CNTN4: variants seen among roughly 807,000 people sequenced by gnomAD.
The protein encoded by CNTN4 is contactin-4.
A neutral mutation model predicts 122.5 loss-of-function variants in CNTN4; 77 were observed. The ratio of observed to expected loss-of-function variants is 0.63; its 90% CI spans 0.52 to 0.76. The LOEUF is 0.76. Among genes scored for constraint, CNTN4 ranks in the 30% least tolerant of loss-of-function variants. The probability of loss-of-function intolerance (pLI) is 0.00; values close to 1 mark genes in which losing one functional copy is unlikely to be tolerated. For synonymous variants in CNTN4, 512 were observed against 447.0 expected, an observed-to-expected ratio of 1.15 and a Z score of -1.83; for missense variants, 1,256 against 1,259.1, an observed-to-expected ratio of 1.00 and a Z score of 0.04.
chr3:2,669,460 C>T (rs1431212405), intron 4 of CNTN4, among the ~76,000 whole-genome samples: 1 of 152,038 alleles, frequency 6.6e-6, no homozygotes, highest in Non-Finnish European at 1.5e-5. Flanking sequence ...TTTTTTATTG[C>T]ATCTATTTGA....
intron 4 of CNTN4, among the ~76,000 whole-genome samples, chr3:2,608,105 G>T (rs1445569393): frequency 6.6e-6 from 1 of 152,128 alleles, no homozygotes; most frequent in Non-Finnish European, 1.5e-5. Context: ...CCAAGGGACT[G>T]AAATAAATTG....
intron 2 of CNTN4, among the ~76,000 whole-genome samples, chr3:2,138,006 A>C (rs1037957035): frequency 2.1e-4 from 32 of 152,130 alleles, no homozygotes; most frequent in African/African-American, 7.2e-4. Context: ...TGGGAAAGTA[A>C]GTAGTCGGCT....
chr3:2,381,691 G>A (rs2046029039), intron 3 of CNTN4, among the ~76,000 whole-genome samples: 1 of 152,098 alleles, frequency 6.6e-6, no homozygotes. Flanking sequence ...TGTAAATGAT[G>A]TATAAAAAGT....
chr3:2,645,782 T>C (rs764802483), intron 4 of CNTN4, among the ~76,000 whole-genome samples: 110 of 152,316 alleles, frequency 7.2e-4, no homozygotes, highest in Admixed American at 2.6e-3. Flanking sequence ...GGTAGAAAGC[T>C]AGTCCTTGCC....
intron 4 of CNTN4, among the ~76,000 whole-genome samples, chr3:2,705,982 A>T (rs1227872875): frequency 1.5e-5 from 2 of 135,804 alleles, no homozygotes; most frequent in Middle Eastern, 3.4e-3. Flanking sequence ...TATTATATAA[A>T]ATATAAAATA....
chr3:2,111,990 A>G (rs1230235072), intron 2 of CNTN4, among the ~76,000 whole-genome samples: 1 of 152,134 alleles, frequency 6.6e-6, no homozygotes, highest in Admixed American at 6.5e-5. Flanking sequence ...GGGATAGACA[A>G]TGCAATCCTC....
rs999097254 is a variant in CNTN4 at position 2,441,721 on chromosome 3, C to A, written c.-89+102488C>A. Among the ~76,000 whole-genome samples the A allele has an allele frequency of 2.0e-5, 3 of 152,124 alleles. No individual in the cohort carries two copies. The East Asian group carries it at 5.8e-4, about 29-fold the overall frequency. On this transcript the variant is annotated intron_variant, in intron 3 of 24. Transcript: ENST00000418658. ...GTCTATAGGAAGGGCGTTAGAAAGGCCTGTCTCCAGATTTTCATCATATTT... is the reference window on the plus strand; with the variant it reads ...GTCTATAGGAAGGGCGTTAGAAAGGACTGTCTCCAGATTTTCATCATATTT...
At chr3:2,320,408 T>A (rs2043239470) in intron 2 of CNTN4, among the ~76,000 whole-genome samples, 1 of 152,184 alleles carries the variant, frequency 6.6e-6, no homozygotes, top group Non-Finnish European at 1.5e-5. Context: ...AAATTTGTGA[T>A]TTTTATTTAA....
chr3:2,368,029 C>CT (rs549023861), intron 3 of CNTN4, among the ~76,000 whole-genome samples: 7,724 of 109,732 alleles, frequency 0.07, 505 homozygotes, highest in African/African-American at 0.14. Context: ...TAGAAAACTT[C>CT]TTTTTTTTTT....
chr3:2,385,702 T>C lies in CNTN4; in HGVS notation c.-89+46469T>C, dbSNP rs1329215664. 1.5e-4 allele frequency among the ~76,000 whole-genome samples: 23 copies of C among 152,092 alleles called. 1 individual carries two copies. Among genetic ancestry groups the C allele is most frequent in the Admixed American group, 1.5e-3 (23 of 15,258 alleles). On this transcript the variant is annotated intron_variant, in intron 3 of 24. Transcript: ENST00000418658. This position sits in a 1 kb window ranked among gnomAD's most constrained non-coding sequence, Gnocchi z 4.0. ...ATCTTCACATGCTGCATTCCCTGTA[T>C]GCCTGTGTGTTCAAATTTTTTCCTC...
At chr3:2,311,065 A>T (rs2042897088) in intron 2 of CNTN4, among the ~76,000 whole-genome samples, 1 of 152,116 alleles carries the variant, frequency 6.6e-6, no homozygotes, top group Non-Finnish European at 1.5e-5. Flanking sequence ...AAAATATCCG[A>T]ATCAGAAGCA....
In CNTN4 at chr3:2,571,562, G is replaced by A. The variant is rs773472183; in HGVS notation, c.55+4G>A. ...TCATTCATTTTGTGCCTTGCAGGTA[G>A]AGTGTCATTTTAAAACTTTTTGATT... On this transcript the variant is annotated splice_donor_region_variant and intron_variant, in intron 4 of 24. Transcript: ENST00000418658. The A allele has an allele frequency of 6.2e-7, 1 of 1,610,402 alleles. No individual in the cohort carries two copies. Among genetic ancestry groups the A allele is most frequent in the Non-Finnish European group, 8.5e-7 (1 of 1,176,654 alleles).
At chr3:2,301,532 A>G (rs1185221283) in intron 2 of CNTN4, among the ~76,000 whole-genome samples, 1 of 152,224 alleles carries the variant, frequency 6.6e-6, no homozygotes, top group African/African-American at 2.4e-5. Context: ...TTTTCATACC[A>G]GAGGCCCTGA....
At chr3:2,998,390 C>A (rs1187662824) in intron 14 of CNTN4, among the ~76,000 whole-genome samples, 1 of 152,048 alleles carries the variant, frequency 6.6e-6, no homozygotes, top group East Asian at 1.9e-4. Flanking sequence ...ATTCCTGGAC[C>A]CTACCTCTGA....
intron 2 of CNTN4, among the ~76,000 whole-genome samples, chr3:2,111,183 A>C (rs2125134793): frequency 6.6e-6 from 1 of 152,340 alleles, no homozygotes; most frequent in East Asian, 1.9e-4. Flanking sequence ...AATTATGGAT[A>C]CTATTAAGGT....
chr3:2,337,993 C>T (rs2044024305), intron 2 of CNTN4, among the ~76,000 whole-genome samples: 1 of 152,122 alleles, frequency 6.6e-6, no homozygotes, highest in African/African-American at 2.4e-5. Context: ...GTATATACAG[C>T]TGGTAACTGA....
intron 4 of CNTN4, among the ~76,000 whole-genome samples, chr3:2,700,487 G>T (rs1301812157): frequency 1.3e-5 from 2 of 152,152 alleles, no homozygotes; most frequent in African/African-American, 4.8e-5. Context: ...TCTTAGACTA[G>T]AGGCTCTTTG....
At chr3:2,444,573 C>T (rs1379465951) in intron 3 of CNTN4, among the ~76,000 whole-genome samples, 5 of 152,134 alleles carry the variant, frequency 3.3e-5, no homozygotes, top group African/African-American at 1.2e-4. Flanking sequence ...GATCAGATCA[C>T]ATAGAGCCTT....
chr3:2,264,105 A>G (rs1269147076), intron 2 of CNTN4, among the ~76,000 whole-genome samples: 1 of 152,014 alleles, frequency 6.6e-6, no homozygotes, highest in East Asian at 1.9e-4. Flanking sequence ...CCATATACTG[A>G]TTTTCTTTCT....
Sources: gnomAD v4.1 joint callset for allele counts (sites outside exome capture counted in the v4.1 genomes callset) on GRCh38, gnomAD v4.1.1 for gene constraint, Gnocchi (gnomAD v3.1) non-coding constraint, MANE v1.5 for transcripts, NCBI Gene and HGNC (gene_info 2026-07-23, HGNC 2026-07-21) for gene names.